C16orf96: variants seen among roughly 807,000 people sequenced by gnomAD.
The protein encoded by C16orf96 is uncharacterized protein C16orf96.
In C16orf96, 108 loss-of-function variants were observed where a neutral mutation model predicts 103.6. That is an observed-to-expected ratio of 1.04 (90% CI 0.89 to 1.22). The LOEUF is 1.22. Among genes scored for constraint, C16orf96 ranks in the 50% most tolerant of loss-of-function variants. C16orf96 has a pLI of 0.00. For synonymous variants in C16orf96, 566 were observed against 593.5 expected (o/e 0.95, Z 0.67); for missense variants, 1,586 against 1,464.2 (o/e 1.08, Z -1.36).
chr16:4,575,653 A>T lies in C16orf96; in HGVS notation c.1173A>T (p.Arg391Ser). The T allele has an allele frequency of 6.5e-7, 1 of 1,535,562 alleles. No individual in the cohort carries two copies. Among genetic ancestry groups the T allele is most frequent in the Non-Finnish European group, 8.8e-7 (1 of 1,140,198 alleles). Residue 391 changes from arginine to serine, a missense_variant, in exon 5 of 16, where the codon AGA becomes AGT. Coordinates refer to ENST00000444310, the MANE Select transcript of C16orf96 (RefSeq NM_001145011.2). The stretch of plus-strand genomic sequence containing the variant: ...TGGGAGACTGGCCTGCACTCCCAAG[A>T]CGCTGGCCTCTTCCCCAAGGCTGGC... Reference protein sequence around the residue: ...PPLGDWPALPRRWPLPQGWPR... With the variant: ...PPLGDWPALPSRWPLPQGWPR...
At chr16:4,594,309 A>T (rs1191026339) in intron 12 of C16orf96, 42 bp from the exon 13 acceptor site, 3 of 1,542,818 alleles carry the variant, frequency 1.9e-6, no homozygotes, top group Non-Finnish European at 2.6e-6. Flanking sequence ...GCTCTGGGGT[A>T]CAGGGTCTCC....
chr16:4,579,167 G>A, intron 6 of C16orf96, 142 bp downstream of exon 6: 1 of 739,676 alleles, frequency 1.4e-6, no homozygotes, highest in South Asian at 1.8e-5. Flanking sequence ...GGCTGCGAAG[G>A]CAGCTGCTGC....
intron 7 of C16orf96, among the ~76,000 whole-genome samples, 181 bp from the exon 8 acceptor site, chr16:4,586,858 C>A (rs528548616): frequency 1.2e-4 from 18 of 152,282 alleles, no homozygotes; most frequent in African/African-American, 4.1e-4. Context: ...ACGTTCCTTC[C>A]CTTTTCATCT....
At chr16:4,571,140 C>G (rs563597120) in intron 1 of C16orf96, among the ~76,000 whole-genome samples, 1 of 152,072 alleles carries the variant, frequency 6.6e-6, no homozygotes, top group Non-Finnish European at 1.5e-5. Context: ...GAGTTGAGAT[C>G]GCGCCACTGC....
chr16:4,576,741 A>G, intron 5 of C16orf96, 106 bp downstream of exon 5: 2 of 1,100,128 alleles, frequency 1.8e-6, no homozygotes, highest in African/African-American at 1.6e-5. Context: ...CAAAATCTGC[A>G]TTCCACCATT....
At chr16:4,597,801 C>A (rs1395100507) in intron 14 of C16orf96, among the ~76,000 whole-genome samples, 2 of 152,198 alleles carry the variant, frequency 1.3e-5, no homozygotes, top group Admixed American at 1.3e-4. Flanking sequence ...AAGTGACCCA[C>A]CTGTCTCAGC....
Position 4,575,827 on chromosome 16 carries a change from C to T in C16orf96, c.1347C>T (p.Leu449=), listed in dbSNP as rs765156137. The T allele has an allele frequency of 5.2e-5, 80 of 1,551,132 alleles. 1 individual carries two copies. The Middle Eastern group carries it at 6.7e-4, about 13-fold the overall frequency. The change falls in exon 5 of 16, where the codon CTC becomes CTT. Residue 449 remains leucine (L), a synonymous_variant. Transcript: ENST00000444310. The part of the protein sequence containing the change: ...QPYQSRQGEA[L]QLAAVQVKGE... ...ATCAGTCTCGCCAGGGAGAAGCCCTCCAGCTCGCAGCTGTCCAAGTAAAGG... is the reference window on the plus strand; with the variant it reads ...ATCAGTCTCGCCAGGGAGAAGCCCTTCAGCTCGCAGCTGTCCAAGTAAAGG...
At chr16:4,553,359 G>A (rs1013119472), upstream of C16orf96, among the ~76,000 whole-genome samples, 6 of 152,198 alleles carry the variant, frequency 3.9e-5, no homozygotes, top group Non-Finnish European at 8.8e-5. Flanking sequence ...TGCCAGATCA[G>A]TTCTGGTCAA....
intron 1 of C16orf96, among the ~76,000 whole-genome samples, chr16:4,568,419 G>A (rs569140554): frequency 2.0e-5 from 3 of 151,910 alleles, no homozygotes; most frequent in Non-Finnish European, 4.4e-5. Context: ...TTATACTATT[G>A]TTCAAATCTT....
At chr16:4,578,630 T>C (rs1195855214) in intron 5 of C16orf96, among the ~76,000 whole-genome samples, 4 of 151,882 alleles carry the variant, frequency 2.6e-5, no homozygotes, top group Non-Finnish European at 2.9e-5. Context: ...TGGTGGCGTG[T>C]GCCTGTAATC....
chr16:4,585,839 A>G (rs1019919525), intron 7 of C16orf96, among the ~76,000 whole-genome samples: 2 of 152,172 alleles, frequency 1.3e-5, no homozygotes, highest in African/African-American at 2.4e-5. Context: ...GAAGCAACTC[A>G]GGAGTGGAAA....
chr16:4,566,475 A>G (rs1002673891), intron 1 of C16orf96, among the ~76,000 whole-genome samples: 3 of 152,154 alleles, frequency 2.0e-5, no homozygotes, highest in African/African-American at 7.2e-5. Flanking sequence ...CCATTTACAC[A>G]TCATCTTTGG....
At position 4,593,267 on chromosome 16, in the gene C16orf96, C is replaced by A. The variant is rs1017590510; in HGVS notation, c.2818C>A (p.Arg940=). The A allele has an allele frequency of 2.6e-6, 4 of 1,550,818 alleles. No individual in the cohort carries two copies. The African/African-American group carries it at 4.1e-5, about 16-fold the overall frequency. ...CAAAGCCCACCTGCTGTCCCGGCTG[C>A]GGCCAGCCAGCGCCAACAGCTGCGA... ...IRKAHLLSRL[R]PASANSCEYL... The change falls in exon 12 of 16, where the codon CGG becomes AGG. Residue 940 remains arginine (R), a synonymous_variant. Transcript: ENST00000444310. This position sits in a 1 kb window ranked among gnomAD's most constrained non-coding sequence, Gnocchi z 4.2.
chr16:4,568,149 C>G (rs1207393641), intron 1 of C16orf96, among the ~76,000 whole-genome samples: 1 of 151,352 alleles, frequency 6.6e-6, no homozygotes, highest in Admixed American at 6.6e-5. Context: ...AAATGATACT[C>G]CTGCCTCAAG....
Position 4,598,941 on chromosome 16 carries a change from G to A in C16orf96, c.3128-343G>A, listed in dbSNP as rs140955390. Among the ~76,000 whole-genome samples, 916 of 151,834 alleles carry A rather than the reference G, an allele frequency of 6.0e-3. 6 individuals carry two copies. Among genetic ancestry groups the A allele is most frequent in the Admixed American group, 7.2e-3 (110 of 15,230 alleles). On this transcript the variant is annotated intron_variant, in intron 14 of 15. Coordinates refer to ENST00000444310, the MANE Select transcript of C16orf96 (RefSeq NM_001145011.2). ...AAGACTAGCCTGAGCAACATAGCGAGACCTCCTCCCTAGGAAACATTTAAA... is the reference window on the plus strand; with the variant it reads ...AAGACTAGCCTGAGCAACATAGCGAAACCTCCTCCCTAGGAAACATTTAAA...
chr16:4,599,210 C>T, intron 14 of C16orf96, 74 bp from the exon 15 acceptor site: 1 of 1,321,732 alleles, frequency 7.6e-7, no homozygotes, highest in Non-Finnish European at 1.1e-6. Flanking sequence ...GGAGACTGCC[C>T]AGTGCTGGGA....
chr16:4,552,481 C>CAAAAA (rs58618088), upstream of C16orf96, among the ~76,000 whole-genome samples: 12 of 67,482 alleles, frequency 1.8e-4, no homozygotes, highest in South Asian at 6.8e-4. Flanking sequence ...GACTCTGTCT[C>CAAAAA]AAAAAAAAAA....
chr16:4,581,155 T>C (rs1185685789), intron 7 of C16orf96, among the ~76,000 whole-genome samples: 2 of 96,766 alleles, frequency 2.1e-5, no homozygotes, highest in Non-Finnish European at 3.9e-5. Context: ...TATATATATA[T>C]ATATATATAT....
At chr16:4,574,826 TG>T (rs1269557143) in intron 3 of C16orf96, 37 bp downstream of exon 3, 65 of 1,526,210 alleles carry the variant, frequency 4.3e-5, no homozygotes, top group Non-Finnish European at 5.8e-5. Flanking sequence ...CCACTCCCCC[TG>T]GGACCCCCCA....
Sources: allele counts gnomAD v4.1 joint callset (sites outside exome capture counted in the v4.1 genomes callset), GRCh38; gene constraint gnomAD v4.1.1; non-coding constraint Gnocchi (gnomAD v3.1); transcripts MANE v1.5; gene names NCBI Gene and HGNC (gene_info 2026-07-23, HGNC 2026-07-21).